ZSCAN5A: variants seen among roughly 807,000 people sequenced by gnomAD.
ZSCAN5A encodes zinc finger and SCAN domain-containing protein 5A.
Under a neutral mutation model 23.7 loss-of-function variants are expected in ZSCAN5A, and 12 were observed. The observed-to-expected ratio is 0.51, with a 90% CI of 0.32 to 0.82. ZSCAN5A has a LOEUF of 0.82. Among genes scored for constraint, ZSCAN5A ranks in the 40% least tolerant of loss-of-function variants. The pLI is 0.03. For synonymous variants in ZSCAN5A, 257 were observed against 239.9 expected (o/e 1.07, Z -0.66); for missense variants, 597 against 617.9 (o/e 0.97, Z 0.36).
upstream of ZSCAN5A, among the ~76,000 whole-genome samples, chr19:56,319,600 G>A (rs975977889): frequency 1.3e-5 from 2 of 151,802 alleles, no homozygotes; most frequent in African/African-American, 4.8e-5. Context: ...CTCTGGGATT[G>A]GTGAAGGACC....
At position 56,352,299 on chromosome 19, in the gene ZSCAN5A, C is replaced by T. The variant is rs11672540; in HGVS notation, c.-358+10936G>A. On this transcript the variant is annotated intron_variant, in intron 2 of 6. Transcript: ENST00000587340. This position sits in a 1 kb window ranked among gnomAD's most constrained non-coding sequence, Gnocchi z 4.2. ...TTCTACTCAGAGAGACGGATTAAAC[C>T]AGACAATTAAACATAATGCAAATGA... Among the ~76,000 whole-genome samples, 11,165 of 152,096 alleles carry T rather than the reference C, an allele frequency of 0.073. 484 individuals carry two copies. The highest frequency in any genetic ancestry group is 0.18 in the Middle Eastern group (53 of 294).
chr19:56,290,361 T>C (rs1386639172), intron 2 of ZSCAN5A, among the ~76,000 whole-genome samples: 1 of 152,248 alleles, frequency 6.6e-6, no homozygotes, highest in Non-Finnish European at 1.5e-5. Context: ...CAGAGCTGCA[T>C]AGTTGTGACT....
chr19:56,350,630 T>C (rs1287216116), intron 2 of ZSCAN5A, among the ~76,000 whole-genome samples: 1 of 152,282 alleles, frequency 6.6e-6, no homozygotes, highest in South Asian at 2.1e-4. Flanking sequence ...ACGTTTCTGG[T>C]AATGTACACC....
At chr19:56,312,010 T>G (rs1182826181) in intron 2 of ZSCAN5A, 2 of 152,312 alleles carry the variant, frequency 1.3e-5, no homozygotes, top group Admixed American at 1.3e-4. Flanking sequence ...CACTTCCTAC[T>G]AGCCCAGAAG....
chr19:56,366,583 A>G (rs1024650596), intron 1 of ZSCAN5A, among the ~76,000 whole-genome samples: 6 of 152,156 alleles, frequency 3.9e-5, no homozygotes, highest in Non-Finnish European at 8.8e-5. Context: ...AGAAACCACC[A>G]ATTAACCTCC....
intron 1 of ZSCAN5A, chr19:56,365,669 C>T (rs1189872026): frequency 6.6e-6 from 1 of 152,238 alleles, no homozygotes; most frequent in Non-Finnish European, 1.5e-5. Context: ...AGGCAAGCTA[C>T]TGCCTCCAAA....
At chr19:56,286,052 C>T (rs1325729941) in intron 2 of ZSCAN5A, among the ~76,000 whole-genome samples, 1 of 152,260 alleles carries the variant, frequency 6.6e-6, no homozygotes, top group Admixed American at 6.5e-5. Flanking sequence ...GACGGAGTCT[C>T]GCTCTGTTGC....
chr19:56,320,793 C>T, intron 2 of ZSCAN5A: 1 of 835,966 alleles, frequency 1.2e-6, no homozygotes, highest in East Asian at 2.4e-5. Flanking sequence ...ATTGTGGCCA[C>T]CTCAAAAGCC....
intron 2 of ZSCAN5A, among the ~76,000 whole-genome samples, chr19:56,241,646 G>T (rs2035433063): frequency 6.6e-6 from 1 of 152,036 alleles, no homozygotes; most frequent in African/African-American, 2.4e-5. Flanking sequence ...ACATTGTTAT[G>T]AACTGAAGTC....
intron 1 of ZSCAN5A, chr19:56,365,772 T>A (rs1458756206): frequency 1.3e-5 from 2 of 152,164 alleles, no homozygotes; most frequent in African/African-American, 4.8e-5. Context: ...CAGAACAAGG[T>A]TAGGAAAACC....
At chr19:56,226,939 T>A (rs1001144874) in intron 2 of ZSCAN5A, among the ~76,000 whole-genome samples, 7 of 151,978 alleles carry the variant, frequency 4.6e-5, no homozygotes, top group African/African-American at 1.2e-4. Context: ...CAAAAAAAAA[T>A]TTAAAAAGAA....
At chr19:56,229,274 C>T (rs990566256) in intron 2 of ZSCAN5A, among the ~76,000 whole-genome samples, 20 of 152,146 alleles carry the variant, frequency 1.3e-4, no homozygotes, top group Admixed American at 4.6e-4. Flanking sequence ...TACACTGATT[C>T]TGGTTTAAAT....
At chr19:56,237,452 A>C (rs2035021264) in intron 2 of ZSCAN5A, among the ~76,000 whole-genome samples, 1 of 152,182 alleles carries the variant, frequency 6.6e-6, no homozygotes, top group Admixed American at 6.5e-5. Context: ...ACTGTAGGGG[A>C]AGGTACGTGT....
intron 2 of ZSCAN5A, among the ~76,000 whole-genome samples, chr19:56,345,624 A>G (rs910420438): frequency 6.6e-6 from 1 of 152,232 alleles, no homozygotes; most frequent in African/African-American, 2.4e-5. Context: ...ATAAAAATTT[A>G]TCATAGAATG....
chr19:56,285,767 T>C (rs898496316), intron 2 of ZSCAN5A, among the ~76,000 whole-genome samples: 15 of 151,752 alleles, frequency 9.9e-5, no homozygotes, highest in African/African-American at 2.7e-4. Context: ...GCATGAGCCA[T>C]CACGCCCAGC....
At chr19:56,291,043 C>T (rs1287524988) in intron 2 of ZSCAN5A, among the ~76,000 whole-genome samples, 5 of 152,112 alleles carry the variant, frequency 3.3e-5, no homozygotes, top group African/African-American at 4.8e-5. Context: ...TGTGGAGAGC[C>T]GTGAGGGTGT....
Position 56,257,958 on chromosome 19 carries a change from C to T in ZSCAN5A, c.-127-32785G>A, listed in dbSNP as rs59907095. On this transcript the variant is annotated intron_variant, in intron 2 of 5. Coordinates refer to ENST00000683990, the MANE Select transcript of ZSCAN5A (RefSeq NM_001322064.3). ...CCTTTCACACCTGGCTCCTGCCTCC[C>T]ACCACTGCCCGATCTTCTTAGACAC... 4.5e-4 allele frequency among the ~76,000 whole-genome samples: 52 copies of T among 116,322 alleles called. 1 individual carries two copies. The highest frequency in any genetic ancestry group is 3.1e-3 in the African/African-American group (47 of 14,950). 76.3% of individuals were successfully genotyped at this position (116,322 alleles called of 152,430 possible).
At chr19:56,247,093 A>G (rs753508637) in intron 2 of ZSCAN5A, 1 of 712,920 alleles carries the variant, frequency 1.4e-6, no homozygotes, top group Non-Finnish European at 2.5e-6. Context: ...GTTTACGTGT[A>G]ATTCCAAGCT....
chr19:56,267,561 C>T lies in ZSCAN5A; in HGVS notation c.-127-42388G>A, dbSNP rs144709599. On this transcript the variant is annotated intron_variant, in intron 2 of 5. Transcript: ENST00000683990. ...TCACCTCAAGTGCTCAGCAGCCGCA[C>T]GTGGCTAGTGGCCACCATTCTGGGT... is the stretch of plus-strand genomic sequence containing the variant. Among the ~76,000 whole-genome samples, 518 of 152,330 alleles carry T rather than the reference C, an allele frequency of 3.4e-3. 1 individual carries two copies. Among genetic ancestry groups the T allele is most frequent in the Non-Finnish European group, 5.4e-3 (370 of 68,030 alleles).
Sources: allele counts gnomAD v4.1 joint callset (sites outside exome capture counted in the v4.1 genomes callset), GRCh38; gene constraint gnomAD v4.1.1; non-coding constraint Gnocchi (gnomAD v3.1); transcripts MANE v1.5; gene names NCBI Gene and HGNC (gene_info 2026-07-23, HGNC 2026-07-21).